Variants in DYNC1I1 observed in about 807,000 individuals in gnomAD.
The protein encoded by DYNC1I1 is cytoplasmic dynein 1 intermediate chain 1.
In DYNC1I1, 43 loss-of-function variants were observed where a neutral mutation model predicts 86.6. That is an observed-to-expected ratio of 0.50 (90% CI 0.39 to 0.64). DYNC1I1 has a LOEUF of 0.64. Ranked by LOEUF, DYNC1I1 falls within the 30% of genes least tolerant of loss-of-function variation. The pLI is 0.00. For missense variants in DYNC1I1, 604 were observed against 788.8 expected, an observed-to-expected ratio of 0.77 and a Z score of 2.81; for synonymous variants, 262 against 283.7, an observed-to-expected ratio of 0.92 and a Z score of 0.77.
intron 16 of DYNC1I1, among the ~76,000 whole-genome samples, chr7:96,089,560 C>T (rs368614134): frequency 1.3e-5 from 2 of 152,102 alleles, no homozygotes; most frequent in South Asian, 4.1e-4. Flanking sequence ...TACCCTTCCC[C>T]CCAATCTCTT....
intron 7 of DYNC1I1, among the ~76,000 whole-genome samples, chr7:95,979,096 A>C (rs924011370): frequency 6.6e-6 from 1 of 152,208 alleles, no homozygotes; most frequent in African/African-American, 2.4e-5. Flanking sequence ...GCCCAGCCAC[A>C]ATTTTAGAAA....
At chr7:95,822,919 A>G (rs947632568) in intron 4 of DYNC1I1, among the ~76,000 whole-genome samples, 5 of 152,126 alleles carry the variant, frequency 3.3e-5, no homozygotes, top group African/African-American at 1.2e-4. Context: ...AGTGAGGATG[A>G]TGTCTGGTCT....
chr7:95,968,474 A>G (rs914851658), intron 6 of DYNC1I1, among the ~76,000 whole-genome samples: 1 of 152,090 alleles, frequency 6.6e-6, no homozygotes, highest in African/African-American at 2.4e-5. Flanking sequence ...TATTTATTTT[A>G]CTCTTTTTTA....
chr7:96,048,519 G>A (rs1789289271), intron 14 of DYNC1I1, among the ~76,000 whole-genome samples: 1 of 152,182 alleles, frequency 6.6e-6, no homozygotes, highest in South Asian at 2.1e-4. Flanking sequence ...CAAAAACTCT[G>A]GGGATGGGAG....
chr7:95,978,808 T>G lies in DYNC1I1; in HGVS notation c.580+1207T>G, dbSNP rs529799496. On this transcript the variant is annotated intron_variant, in intron 7 of 16. Coordinates refer to ENST00000447467, the MANE Select transcript of DYNC1I1 (RefSeq NM_001135556.2). ...TATGGAGTTAAATGGGACAATTTTT[T>G]TTTTTTTGAGACAGAGTCTCACTCT... Among the ~76,000 whole-genome samples the G allele has an allele frequency of 6.6e-4, 100 of 152,190 alleles. 1 individual carries two copies. Among genetic ancestry groups the G allele is most frequent in the African/African-American group, 2.4e-3 (99 of 41,514 alleles).
intron 14 of DYNC1I1, among the ~76,000 whole-genome samples, chr7:96,067,466 T>TCCTTCTTC (rs1554441882): frequency 6.6e-6 from 1 of 151,030 alleles, no homozygotes; most frequent in African/African-American, 2.4e-5. Flanking sequence ...TTTTTTTATT[T>TCCTTCTTC]CTTCTTAAAG....
At chr7:95,778,388 C>A (rs1562888399) in intron 1 of DYNC1I1, among the ~76,000 whole-genome samples, 1 of 152,166 alleles carries the variant, frequency 6.6e-6, no homozygotes, top group Admixed American at 6.5e-5. Context: ...ATGCAAATGC[C>A]AGTTTGAAGA....
intron 6 of DYNC1I1, among the ~76,000 whole-genome samples, chr7:95,895,873 C>T (rs1790870108): frequency 6.6e-6 from 1 of 152,204 alleles, no homozygotes; most frequent in African/African-American, 2.4e-5. Context: ...TCTTATGCCA[C>T]TAATTACCTT....
chr7:95,995,963 G>A lies in DYNC1I1; in HGVS notation c.859G>A (p.Val287Met). Residue 287 changes from valine (V) to methionine (M), a missense_variant, in exon 10 of 17, where the codon GTG becomes ATG. Val to Met is a conservative substitution (Grantham distance 21). Transcript: ENST00000447467. The part of the protein sequence containing the change: ...DWSLQYPELM[V>M]ASYNNNEDAP... ...TTCCATTTAGTACCCTGAGCTGATGGTGGCTTCTTACAACAACAATGAAGA... is the reference window on the plus strand; with the variant it reads ...TTCCATTTAGTACCCTGAGCTGATGATGGCTTCTTACAACAACAATGAAGA... The A allele has an allele frequency of 6.2e-7, 1 of 1,605,792 alleles. No homozygotes were observed. Among genetic ancestry groups the A allele is most frequent in the Non-Finnish European group, 8.5e-7 (1 of 1,177,212 alleles).
chr7:96,000,230 A>G (rs897192548), intron 10 of DYNC1I1, among the ~76,000 whole-genome samples: 1 of 152,190 alleles, frequency 6.6e-6, no homozygotes, highest in African/African-American at 2.4e-5. Context: ...GAAAGCACAT[A>G]GTAGGTGCTT....
chr7:95,888,825 C>T (rs879853757), intron 6 of DYNC1I1, among the ~76,000 whole-genome samples: 8 of 152,116 alleles, frequency 5.3e-5, no homozygotes, highest in Admixed American at 1.3e-4. Context: ...GCCAGAAAAG[C>T]GTCTGTCTTC....
chr7:95,878,987 A>G (rs1341376697), intron 6 of DYNC1I1, among the ~76,000 whole-genome samples: 1 of 151,320 alleles, frequency 6.6e-6, no homozygotes, highest in Non-Finnish European at 1.5e-5. Flanking sequence ...AAGAATCACT[A>G]CCCAGCAAAG....
chr7:96,022,719 C>T (rs1794583507), intron 10 of DYNC1I1, among the ~76,000 whole-genome samples: 1 of 151,622 alleles, frequency 6.6e-6, no homozygotes, highest in Non-Finnish European at 1.5e-5. Context: ...TTAAAAATTA[C>T]CTCGGTGTGG....
intron 6 of DYNC1I1, among the ~76,000 whole-genome samples, chr7:95,975,537 G>A (rs1273030855): frequency 6.6e-6 from 1 of 152,072 alleles, no homozygotes; most frequent in African/African-American, 2.4e-5. Context: ...CAGTCATGTT[G>A]GATTAGGTGC....
chr7:96,077,922 T>A (rs987782412), intron 15 of DYNC1I1, among the ~76,000 whole-genome samples: 1 of 152,196 alleles, frequency 6.6e-6, no homozygotes, highest in Non-Finnish European at 1.5e-5. Context: ...AAACATTTTT[T>A]AAAAATCATT....
chr7:96,082,898 C>T (rs1790566558), intron 16 of DYNC1I1, among the ~76,000 whole-genome samples: 2 of 152,132 alleles, frequency 1.3e-5, no homozygotes, highest in Non-Finnish European at 2.9e-5. Flanking sequence ...ATCGTACTGG[C>T]AGGTCAGGCT....
chr7:95,842,447 G>A (rs983382934), intron 5 of DYNC1I1, among the ~76,000 whole-genome samples: 1 of 152,174 alleles, frequency 6.6e-6, no homozygotes, highest in Non-Finnish European at 1.5e-5. Flanking sequence ...ATAGACGTGG[G>A]GCTTTGGGCA....
intron 5 of DYNC1I1, among the ~76,000 whole-genome samples, chr7:95,862,504 A>T (rs955040633): frequency 2.0e-5 from 3 of 152,346 alleles, no homozygotes; most frequent in Admixed American, 2.0e-4. Context: ...CCAAAGTGAG[A>T]TATCACTTCA....
intron 5 of DYNC1I1, among the ~76,000 whole-genome samples, chr7:95,836,081 A>G (rs865946364): frequency 5.3e-5 from 8 of 152,084 alleles, no homozygotes; most frequent in African/African-American, 1.9e-4. Context: ...TGGTCTTTAC[A>G]TTTTGGCATG....
Sources: gnomAD v4.1 joint callset for allele counts (sites outside exome capture counted in the v4.1 genomes callset) on GRCh38, gnomAD v4.1.1 for gene constraint, MANE v1.5 for transcripts, NCBI Gene and HGNC (gene_info 2026-07-23, HGNC 2026-07-21) for gene names.